Variants in PCDHGB6 observed in about 807,000 individuals in gnomAD.
The protein encoded by PCDHGB6 is protocadherin gamma-B6.
Under a neutral mutation model 59.1 loss-of-function variants are expected in PCDHGB6, and 51 were observed. The observed-to-expected ratio is 0.86, with a 90% confidence interval of 0.69 to 1.09. The LOEUF (loss-of-function observed/expected upper bound fraction) is 1.09. Ranked by LOEUF, PCDHGB6 falls within the 50% of genes least tolerant of loss-of-function variation. The pLI is 0.00. For synonymous variants in PCDHGB6, 466 were observed against 495.1 expected (o/e 0.94, Z 0.78); for missense variants, 1,148 against 1,205.1 (o/e 0.95, Z 0.70).
chr5:141,488,014 C>T (rs2099670661), intron 1 of PCDHGB6, among the ~76,000 whole-genome samples: 1 of 152,120 alleles, frequency 6.6e-6, no homozygotes, highest in South Asian at 2.1e-4. Context: ...TCTGAAGTAC[C>T]TTAACTCTAG....
At chr5:141,423,508 A>G (rs962526072) in intron 1 of PCDHGB6, 2 of 1,613,860 alleles carry the variant, frequency 1.2e-6, no homozygotes, top group African/African-American at 2.7e-5. Context: ...GGTCTCTCTC[A>G]TTGCGGACTC....
At chr5:141,414,748 G>A in intron 1 of PCDHGB6, 5 of 1,614,182 alleles carry the variant, frequency 3.1e-6, no homozygotes, top group Non-Finnish European at 4.2e-6. Context: ...CAGATCCTTC[G>A]ACTATGAGCA....
At chr5:141,425,209 A>ATCAT (rs1368049572) in intron 1 of PCDHGB6, among the ~76,000 whole-genome samples, 2 of 152,180 alleles carry the variant, frequency 1.3e-5, no homozygotes, top group Admixed American at 1.3e-4. Flanking sequence ...GATGTAAGGC[A>ATCAT]TTGTACTTTG....
intron 1 of PCDHGB6, among the ~76,000 whole-genome samples, chr5:141,471,791 A>C (rs904614629): frequency 1.3e-5 from 2 of 152,238 alleles, no homozygotes; most frequent in Admixed American, 1.3e-4. Context: ...ATGCTATGTC[A>C]TATAAAAGAC....
rs2099427481 is a variant in PCDHGB6 at position 141,477,973 on chromosome 5, T to A, written c.2419-16834T>A. On this transcript the variant is annotated intron_variant, in intron 1 of 3. Coordinates refer to ENST00000520790, the MANE Select transcript of PCDHGB6 (RefSeq NM_018926.3). The surrounding 1 kb of genome is among the most constrained non-coding windows in gnomAD (Gnocchi z 4.9). The stretch of plus-strand genomic sequence containing the variant: ...TGGGATCCCCTAACCAGAGCCTTTT[T>A]GCCATAGGGCTGCACACTGGTCAAA... 1 of 1,614,030 alleles carries A rather than the reference T, an allele frequency of 6.2e-7. No individual in the cohort carries two copies. The highest frequency in any genetic ancestry group is 8.5e-7 in the Non-Finnish European group (1 of 1,180,030).
In PCDHGB6 at chr5:141,486,671, C is replaced by A. The variant is rs1307620045; in HGVS notation, c.2419-8136C>A. On this transcript the variant is annotated intron_variant, in intron 1 of 3. Coordinates refer to ENST00000520790, the MANE Select transcript of PCDHGB6 (RefSeq NM_018926.3). The surrounding 1 kb of genome is among the most constrained non-coding windows in gnomAD (Gnocchi z 5.0). The stretch of plus-strand genomic sequence containing the variant: ...CTACTCACTCCTGGAGCCCAGGAAT[C>A]GAGATGTATCAGCTTCCTCTTTCAT... 1.9e-6 allele frequency: 3 copies of A among 1,614,044 alleles called. No individual in the cohort carries two copies. The highest frequency in any genetic ancestry group is 2.5e-6 in the Non-Finnish European group (3 of 1,180,014).
chr5:141,465,273 G>A (rs949271610), intron 1 of PCDHGB6, among the ~76,000 whole-genome samples: 1 of 152,068 alleles, frequency 6.6e-6, no homozygotes, highest in Non-Finnish European at 1.5e-5. Context: ...TAGCCATTTA[G>A]TTCACCCCTA....
chr5:141,445,361 G>A (rs2098464750), intron 1 of PCDHGB6, among the ~76,000 whole-genome samples: 2 of 152,138 alleles, frequency 1.3e-5, no homozygotes, highest in African/African-American at 4.8e-5. Context: ...GCCCAAGTCT[G>A]GTCCTGGGTG....
chr5:141,462,477 G>A (rs1430561580), intron 1 of PCDHGB6, among the ~76,000 whole-genome samples: 1 of 151,828 alleles, frequency 6.6e-6, no homozygotes, highest in East Asian at 1.9e-4. Flanking sequence ...TCTGCTTCTC[G>A]TGGTTGTTGT....
rs769909773 is a variant in PCDHGB6 at position 141,476,732 on chromosome 5, C to T, written c.2419-18075C>T. The T allele has an allele frequency of 8.7e-6, 14 of 1,614,096 alleles. No homozygotes were observed. Among genetic ancestry groups the T allele is most frequent in the Non-Finnish European group, 1.1e-5 (13 of 1,180,030 alleles). ...GTTGGAGCGCGCCCTGGACCGAGAA[C>T]GGGAGCCTAGTCTCCAGTTAGTGCT... is the stretch of plus-strand genomic sequence containing the variant. On this transcript the variant is annotated intron_variant, in intron 1 of 3. Coordinates refer to ENST00000520790, the MANE Select transcript of PCDHGB6 (RefSeq NM_018926.3). The surrounding 1 kb of genome is among the most constrained non-coding windows in gnomAD (Gnocchi z 7.6).
At chr5:141,502,291 G>A (rs1346186675) in intron 2 of PCDHGB6, among the ~76,000 whole-genome samples, 1 of 151,370 alleles carries the variant, frequency 6.6e-6, no homozygotes, top group African/African-American at 2.5e-5. Context: ...GCATTTGGTT[G>A]TCACGTCTTT....
intron 1 of PCDHGB6, chr5:141,412,990 C>T: frequency 1.8e-6 from 1 of 569,958 alleles, no homozygotes. Flanking sequence ...AGAGCTCAAT[C>T]CGGATTCTCA....
intron 1 of PCDHGB6, among the ~76,000 whole-genome samples, chr5:141,458,236 C>T (rs6874378): frequency 0.18 from 27,546 of 152,106 alleles, 2,658 homozygotes; most frequent in Admixed American, 0.28. Flanking sequence ...AGTCCATGCA[C>T]CAAAATGATA....
chr5:141,467,476 G>C (rs114088806), intron 1 of PCDHGB6, among the ~76,000 whole-genome samples: 1,866 of 152,156 alleles, frequency 0.012, 41 homozygotes, highest in African/African-American at 0.043. Flanking sequence ...CATGGTTTTT[G>C]GTTTCCACAT....
intron 1 of PCDHGB6, chr5:141,414,814 A>C (rs1368279926): frequency 6.2e-7 from 1 of 1,614,100 alleles, no homozygotes; most frequent in African/African-American, 1.3e-5. Flanking sequence ...TCCTCCACTC[A>C]GCAGCAACGT....
chr5:141,453,101 T>TTTTTGTTTTG (rs879618609), intron 1 of PCDHGB6, among the ~76,000 whole-genome samples: 1 of 152,012 alleles, frequency 6.6e-6, no homozygotes, highest in Non-Finnish European at 1.5e-5. Flanking sequence ...TTCTGTTGCT[T>TTTTTGTTTTG]TTTTGTTTTG....
intron 1 of PCDHGB6, among the ~76,000 whole-genome samples, chr5:141,462,550 A>G (rs1485478117): frequency 6.6e-6 from 1 of 151,942 alleles, no homozygotes; most frequent in East Asian, 1.9e-4. Flanking sequence ...TTTCTTCTTC[A>G]GTGTTTACTG....
rs757926227 is a variant in PCDHGB6, at chr5:141,432,889, G to A, written c.2418+22269G>A. 1.6e-5 allele frequency: 26 copies of A among 1,614,180 alleles called. No individual in the cohort carries two copies. In the East Asian group the frequency reaches 5.8e-4, roughly 36 times the overall value. On this transcript the variant is annotated intron_variant, in intron 1 of 3. Transcript: ENST00000520790. This position sits in a 1 kb window ranked among gnomAD's most constrained non-coding sequence, Gnocchi z 6.0. ...GCGTCTTCCTGGCCTTCGTCATCTT[G>A]CTGCTGGCGCTCAGGCTGCGGCGCT...
Position 141,431,535 on chromosome 5 carries a change from C to T in PCDHGB6, c.2418+20915C>T. On this transcript the variant is annotated intron_variant, in intron 1 of 3. Coordinates refer to ENST00000520790, the MANE Select transcript of PCDHGB6 (RefSeq NM_018926.3). This position sits in a 1 kb window ranked among gnomAD's most constrained non-coding sequence, Gnocchi z 4.8. ...GTTCCGGAGAATCTGGCCTTGGGCA[C>T]GCAGCTGCTTGTAGTCAACGCTACC... is the stretch of plus-strand genomic sequence containing the variant. 3 of 1,614,076 alleles carry T rather than the reference C, an allele frequency of 1.9e-6. No individual in the cohort carries two copies. Among genetic ancestry groups the T allele is most frequent in the Non-Finnish European group, 2.5e-6 (3 of 1,180,038 alleles).
Sources: allele counts gnomAD v4.1 joint callset (sites outside exome capture counted in the v4.1 genomes callset), GRCh38; gene constraint gnomAD v4.1.1; non-coding constraint Gnocchi (gnomAD v3.1); transcripts MANE v1.5; gene names NCBI Gene and HGNC (gene_info 2026-07-23, HGNC 2026-07-21).